The following SMIM36 variants were observed in gnomAD, a reference collection of about 807,000 sequenced individuals.
SMIM36 encodes small integral membrane protein 36.
the SMIM36 span, among the ~76,000 whole-genome samples, chr17:55,524,324 C>T: frequency 6.6e-6 from 1 of 152,096 alleles, no homozygotes; most frequent in Non-Finnish European, 1.5e-5. Context: ...AATCTGTCAT[C>T]GATGGACATT....
intron 3 of SMIM36, among the ~76,000 whole-genome samples, chr17:55,471,384 A>C (rs552660163): frequency 6.6e-6 from 1 of 152,252 alleles, no homozygotes; most frequent in South Asian, 2.1e-4. Context: ...TCAAAGGGGT[A>C]CTGAGTATCC....
the SMIM36 span, among the ~76,000 whole-genome samples, chr17:55,516,710 C>A: frequency 6.6e-6 from 1 of 152,000 alleles, no homozygotes; most frequent in African/African-American, 2.4e-5. Flanking sequence ...AGGCACCTGC[C>A]ACCACGCCCG....
intron 1 of SMIM36, among the ~76,000 whole-genome samples, chr17:55,493,091 T>C (rs1369424459): frequency 2.6e-5 from 4 of 152,230 alleles, no homozygotes; most frequent in African/African-American, 9.6e-5. Flanking sequence ...CTGTTAAGCT[T>C]CCTGCTGCAG....
intron 4 of SMIM36, 101 bp downstream of exon 4, chr17:55,467,044 A>G (rs1199037183): frequency 1.3e-5 from 2 of 152,196 alleles, no homozygotes. Context: ...AATTCGTTAC[A>G]CTCACCAATT....
At chr17:55,491,526 A>G (rs1435206547) in intron 1 of SMIM36, among the ~76,000 whole-genome samples, 1 of 152,164 alleles carries the variant, frequency 6.6e-6, no homozygotes, top group Non-Finnish European at 1.5e-5. Flanking sequence ...GGAAATGGCA[A>G]TGTAACTAAC....
At chr17:55,501,468 T>TAAA (rs1393091482) in intron 1 of SMIM36, among the ~76,000 whole-genome samples, 568 of 86,894 alleles carry the variant, frequency 6.5e-3, no homozygotes, top group African/African-American at 0.011. Flanking sequence ...TTATATATTA[T>TAAA]ATTTTATAAT....
At chr17:55,511,807 T>A (rs973564862), upstream of SMIM36, among the ~76,000 whole-genome samples, 9 of 152,220 alleles carry the variant, frequency 5.9e-5, no homozygotes, top group African/African-American at 2.2e-4. Flanking sequence ...ATTAGGTCAG[T>A]AGGCTTTGGA....
At chr17:55,529,802 A>C in the SMIM36 span, among the ~76,000 whole-genome samples, 2 of 151,296 alleles carry the variant, frequency 1.3e-5, no homozygotes, top group Non-Finnish European at 2.9e-5. Flanking sequence ...AAAACAAACA[A>C]ACAAAAAACA....
exon 1 of SMIM36, chr17:55,511,082 G>C: frequency 2.5e-6 from 1 of 398,552 alleles, no homozygotes; most frequent in Non-Finnish European, 4.4e-6. Flanking sequence ...TTTCCTAGTG[G>C]AGCAGGATCC....
At chr17:55,512,462 A>G (rs1910197485), upstream of SMIM36, among the ~76,000 whole-genome samples, 2 of 152,212 alleles carry the variant, frequency 1.3e-5, no homozygotes, top group African/African-American at 2.4e-5. Context: ...TTTTAAAGAG[A>G]TTCCCAAAGG....
At chr17:55,482,520 T>G (rs533023809) in intron 1 of SMIM36, among the ~76,000 whole-genome samples, 1 of 152,356 alleles carries the variant, frequency 6.6e-6, no homozygotes, top group East Asian at 1.9e-4. Context: ...AATTATGGTT[T>G]CTTCCTCTTA....
At chr17:55,525,639 A>G in the SMIM36 span, among the ~76,000 whole-genome samples, 2 of 152,228 alleles carry the variant, frequency 1.3e-5, no homozygotes, top group Non-Finnish European at 2.9e-5. Flanking sequence ...TACTTTGTAC[A>G]TAATGAAAGT....
At chr17:55,497,063 T>C (rs570793425) in intron 1 of SMIM36, among the ~76,000 whole-genome samples, 216 of 152,250 alleles carry the variant, frequency 1.4e-3, no homozygotes, top group African/African-American at 5.1e-3. Context: ...AATTCCGAAC[T>C]GTCTTTGCTT....
chr17:55,501,303 T>C (rs184320509), intron 1 of SMIM36, among the ~76,000 whole-genome samples: 331 of 10,120 alleles, frequency 0.033, 1 homozygote, highest in Non-Finnish European at 0.045. Flanking sequence ...ATAATATATA[T>C]TATGTTATAT....
chr17:55,509,976 A>T (rs971587805), intron 1 of SMIM36, among the ~76,000 whole-genome samples: 2 of 152,056 alleles, frequency 1.3e-5, no homozygotes, highest in African/African-American at 4.8e-5. Flanking sequence ...TGGAGATTAA[A>T]TTTTTTATGA....
At chr17:55,457,498 C>T (rs565830681) in intron 4 of SMIM36, among the ~76,000 whole-genome samples, 166 of 149,852 alleles carry the variant, frequency 1.1e-3, no homozygotes, top group Non-Finnish European at 2.0e-3. Flanking sequence ...ATTGACAGCT[C>T]TCGAGATCTT....
upstream of SMIM36, among the ~76,000 whole-genome samples, chr17:55,514,380 T>A (rs924370979): frequency 1.3e-5 from 2 of 152,218 alleles, no homozygotes; most frequent in African/African-American, 4.8e-5. Flanking sequence ...ACTTACCATA[T>A]GCTAGCAAGG....
intron 4 of SMIM36, among the ~76,000 whole-genome samples, chr17:55,452,575 C>T (rs566664749): frequency 6.6e-6 from 1 of 152,288 alleles, no homozygotes; most frequent in South Asian, 2.1e-4. Flanking sequence ...CAAGAGCTTG[C>T]CATGAACAGC....
chr17:55,503,199 G>A (rs1199053623), intron 1 of SMIM36, among the ~76,000 whole-genome samples: 7 of 104,302 alleles, frequency 6.7e-5, no homozygotes, highest in Admixed American at 1.1e-4. Flanking sequence ...GCAGGCCAAC[G>A]TTCAGATTCA....
Sources: gnomAD v4.1 joint callset for allele counts (sites outside exome capture counted in the v4.1 genomes callset) on GRCh38, gnomAD v4.1.1 for gene constraint, MANE v1.5 for transcripts, NCBI Gene and HGNC (gene_info 2026-07-23, HGNC 2026-07-21) for gene names.